Variants in MSRA observed in about 807,000 individuals in gnomAD.
The protein encoded by MSRA is mitochondrial peptide methionine sulfoxide reductase.
In MSRA, 54 loss-of-function variants were observed where a neutral mutation model predicts 31.3. The observed-to-expected ratio is 1.73, with a 90% CI of 1.39 to 2.17. The LOEUF is 2.17. Among genes scored for constraint, MSRA ranks in the 30% most tolerant of loss-of-function variants. The pLI is 0.00. For missense variants in MSRA, 507 were observed against 300.9 expected (o/e 1.69, Z -5.07); for synonymous variants, 169 against 116.5 (o/e 1.45, Z -2.90).
At position 10,163,196 on chromosome 8, in the gene MSRA, C is replaced by T. The variant is rs139826674; in HGVS notation, c.143-44637C>T. On this transcript the variant is annotated intron_variant, in intron 1 of 5. Transcript: ENST00000317173. ...TGATCTTGGACTTCCAGCCTCAGAA[C>T]CATGAGAAATACACTTGTGGTGTTC... 1.9e-3 allele frequency among the ~76,000 whole-genome samples: 289 copies of T among 152,268 alleles called. 1 individual carries two copies. Among genetic ancestry groups the T allele is most frequent in the African/African-American group, 6.7e-3 (279 of 41,560 alleles).
At chr8:10,204,488 A>G (rs915578482) in intron 1 of MSRA, among the ~76,000 whole-genome samples, 3 of 152,182 alleles carry the variant, frequency 2.0e-5, no homozygotes, top group Non-Finnish European at 4.4e-5. Context: ...CTAGATCACA[A>G]ATACTTATCA....
intron 5 of MSRA, among the ~76,000 whole-genome samples, chr8:10,358,015 T>G (rs1481300788): frequency 6.6e-6 from 1 of 152,202 alleles, no homozygotes; most frequent in Non-Finnish European, 1.5e-5. Flanking sequence ...CTCTGCTTCC[T>G]GGGTCCAAGC....
intron 3 of MSRA, among the ~76,000 whole-genome samples, chr8:10,294,821 G>A (rs1238944197): frequency 1.3e-5 from 2 of 152,052 alleles, no homozygotes; most frequent in Non-Finnish European, 2.9e-5. Context: ...CCCCACAGCA[G>A]CACAGAGTCC....
chr8:10,139,560 C>A (rs959219036), intron 1 of MSRA, among the ~76,000 whole-genome samples: 1 of 152,168 alleles, frequency 6.6e-6, no homozygotes, highest in Admixed American at 6.5e-5. Flanking sequence ...TGTTTTTACA[C>A]TCTCTATGTC....
intron 1 of MSRA, among the ~76,000 whole-genome samples, chr8:10,060,736 A>G (rs984707658): frequency 6.6e-6 from 1 of 152,120 alleles, no homozygotes; most frequent in Non-Finnish European, 1.5e-5. Context: ...TGATTGAAAA[A>G]TCAAAATTTA....
intron 1 of MSRA, 50 bp downstream of exon 1, chr8:10,054,708 G>C: frequency 2.1e-6 from 3 of 1,428,604 alleles, no homozygotes; most frequent in Non-Finnish European, 2.8e-6. Context: ...GCGCATGCGC[G>C]CCTTTGCCCG....
intron 1 of MSRA, among the ~76,000 whole-genome samples, chr8:10,078,643 C>T (rs6989488): frequency 0.062 from 9,400 of 152,346 alleles, 947 homozygotes; most frequent in African/African-American, 0.21. Flanking sequence ...GATCTGCTTT[C>T]AGCAGGAGAG....
chr8:10,250,362 C>T (rs950094402), intron 3 of MSRA: 1 of 697,810 alleles, frequency 1.4e-6, no homozygotes, highest in Non-Finnish European at 2.6e-6. Context: ...TACCCCATTT[C>T]TGGCAAGAAA....
chr8:10,079,189 C>T (rs1303573629), intron 1 of MSRA, among the ~76,000 whole-genome samples: 2 of 152,070 alleles, frequency 1.3e-5, no homozygotes, highest in Admixed American at 6.6e-5. Context: ...GGCAGGGTCT[C>T]ACTTTGTGGG....
chr8:10,392,302 T>G (rs1171356621), intron 5 of MSRA, among the ~76,000 whole-genome samples: 1 of 152,230 alleles, frequency 6.6e-6, no homozygotes, highest in East Asian at 1.9e-4. Context: ...AATGCTTACA[T>G]GCTCTGAGTC....
At chr8:10,099,423 TAGAGG>T (rs1468144666) in intron 1 of MSRA, among the ~76,000 whole-genome samples, 2 of 151,896 alleles carry the variant, frequency 1.3e-5, no homozygotes, top group Non-Finnish European at 2.9e-5. Flanking sequence ...TGTAGTTGGG[TAGAGG>T]AGAGGATAGG....
At chr8:10,226,209 C>T (rs988422811) in intron 2 of MSRA, among the ~76,000 whole-genome samples, 7 of 152,208 alleles carry the variant, frequency 4.6e-5, no homozygotes, top group Non-Finnish European at 1.5e-5. Flanking sequence ...GTATCTCAAA[C>T]CAGCTGTCTT....
intron 2 of MSRA, among the ~76,000 whole-genome samples, chr8:10,221,384 T>C (rs1810479083): frequency 6.6e-6 from 1 of 151,850 alleles, no homozygotes; most frequent in Admixed American, 6.6e-5. Context: ...CCACCCAGCT[T>C]TTCCATGTCT....
At chr8:10,247,299 C>G (rs556000478) in intron 3 of MSRA, among the ~76,000 whole-genome samples, 1 of 152,048 alleles carries the variant, frequency 6.6e-6, no homozygotes, top group Non-Finnish European at 1.5e-5. Context: ...TCATACCTAG[C>G]AGGAATCCCT....
chr8:10,354,806 T>C (rs1585565576), intron 5 of MSRA, among the ~76,000 whole-genome samples: 1 of 150,606 alleles, frequency 6.6e-6, no homozygotes, highest in Admixed American at 6.6e-5. Context: ...TGTTATTTTA[T>C]TGTTATCACT....
intron 2 of MSRA, among the ~76,000 whole-genome samples, chr8:10,217,586 G>T (rs895166954): frequency 6.6e-6 from 1 of 152,140 alleles, no homozygotes; most frequent in Non-Finnish European, 1.5e-5. Context: ...ATGAAGCCTT[G>T]CTCGCTCAGC....
chr8:10,304,997 T>C (rs1801049294), intron 4 of MSRA, among the ~76,000 whole-genome samples: 1 of 152,232 alleles, frequency 6.6e-6, no homozygotes, highest in African/African-American at 2.4e-5. Flanking sequence ...TGAAAAGTCA[T>C]TGACATTTGA....
intron 2 of MSRA, among the ~76,000 whole-genome samples, chr8:10,209,458 G>A (rs1323262234): frequency 6.6e-6 from 1 of 152,222 alleles, no homozygotes; most frequent in Non-Finnish European, 1.5e-5. Context: ...ATGGGCTGAT[G>A]ACATTGTTTG....
chr8:10,172,555 G>T (rs749819400), intron 1 of MSRA, among the ~76,000 whole-genome samples: 7 of 152,164 alleles, frequency 4.6e-5, no homozygotes, highest in Non-Finnish European at 1.0e-4. Context: ...AATTAGACCA[G>T]TAATGGAGGG....
Sources: allele counts gnomAD v4.1 joint callset (sites outside exome capture counted in the v4.1 genomes callset), GRCh38; gene constraint gnomAD v4.1.1; transcripts MANE v1.5; gene names NCBI Gene and HGNC (gene_info 2026-07-23, HGNC 2026-07-21).